The following MIGA1 variants were observed in gnomAD, a reference collection of about 807,000 sequenced individuals.
MIGA1 encodes the protein family with sequence similarity 73, member A.
In MIGA1, 58 loss-of-function variants were observed where a neutral mutation model predicts 82.0. The observed-to-expected ratio is 0.71, with a 90% CI of 0.57 to 0.88. MIGA1 has a LOEUF of 0.88. Among genes scored for constraint, MIGA1 ranks in the 40% least tolerant of loss-of-function variants. The pLI, the probability that MIGA1 is intolerant of heterozygous loss-of-function variation, is 0.00. For missense variants in MIGA1, 751 were observed against 749.1 expected, an observed-to-expected ratio of 1.00 and a Z score of -0.03; for synonymous variants, 249 against 253.6, an observed-to-expected ratio of 0.98 and a Z score of 0.17.
intron 7 of MIGA1, among the ~76,000 whole-genome samples, chr1:77,825,427 C>T (rs938883617): frequency 1.3e-5 from 2 of 152,160 alleles, no homozygotes; most frequent in Admixed American, 6.5e-5. Context: ...CCGTTTAGTG[C>T]TGAATGTGAG....
chr1:77,811,839 C>T (rs192615936), intron 5 of MIGA1: 1,236 of 1,336,990 alleles, frequency 9.2e-4, no homozygotes, highest in Middle Eastern at 1.6e-3. Flanking sequence ...GGTTCTAGGG[C>T]GCCATCCTCC....
intron 14 of MIGA1, among the ~76,000 whole-genome samples, chr1:77,869,440 C>T (rs1011781116): frequency 1.4e-5 from 2 of 145,996 alleles, no homozygotes; most frequent in African/African-American, 5.1e-5. Flanking sequence ...CATGGCCCAT[C>T]CCCAATGAGC....
At chr1:77,785,797 G>A (rs1007303353) in intron 2 of MIGA1, among the ~76,000 whole-genome samples, 1 of 152,168 alleles carries the variant, frequency 6.6e-6, no homozygotes, top group African/African-American at 2.4e-5. Flanking sequence ...TGCTTTTATG[G>A]GCTGGCATTG....
intron 13 of MIGA1, among the ~76,000 whole-genome samples, chr1:77,864,444 G>A (rs1685586617): frequency 1.3e-5 from 2 of 151,918 alleles, no homozygotes; most frequent in South Asian, 4.2e-4. Context: ...GGGAGGCTGA[G>A]GCAAGTGGAT....
Position 77,801,435 on chromosome 1 carries a change from G to A in MIGA1, c.300G>A (p.Lys100=). The A allele has an allele frequency of 6.2e-7, 1 of 1,608,506 alleles. No individual in the cohort carries two copies. The highest frequency in any genetic ancestry group is 8.5e-7 in the Non-Finnish European group (1 of 1,178,864). ...ACTTTAAAAGAAAACGTGGAAAGAA[G>A]AAAGGAAAAATATTACCATGGGAAC... The change falls in exon 3 of 16, where the codon AAG becomes AAA. Residue 100 remains lysine, a synonymous_variant. Transcript: ENST00000370791.
chr1:77,799,158 GTTTTATT>G (rs1447132679), intron 2 of MIGA1, among the ~76,000 whole-genome samples: 1 of 152,080 alleles, frequency 6.6e-6, no homozygotes, highest in Non-Finnish European at 1.5e-5. Context: ...TTAACCTATA[GTTTTATT>G]TTTTGTGATG....
At chr1:77,867,593 G>T (rs1262030026) in intron 14 of MIGA1, among the ~76,000 whole-genome samples, 2 of 152,190 alleles carry the variant, frequency 1.3e-5, no homozygotes, top group East Asian at 3.9e-4. Context: ...CTCCCAAAGT[G>T]TTGGGATTAC....
chr1:77,819,499 G>T (rs1296360715), intron 7 of MIGA1, among the ~76,000 whole-genome samples: 4 of 152,070 alleles, frequency 2.6e-5, no homozygotes, highest in Non-Finnish European at 5.9e-5. Context: ...GGCCAGGCTG[G>T]TCATGAACTC....
intron 4 of MIGA1, among the ~76,000 whole-genome samples, chr1:77,803,883 A>G (rs1570937138): frequency 1.3e-5 from 2 of 152,314 alleles, no homozygotes; most frequent in African/African-American, 2.4e-5. Flanking sequence ...ACAAAGTATT[A>G]TACATTAAAA....
intron 7 of MIGA1, among the ~76,000 whole-genome samples, chr1:77,822,877 C>T (rs934104497): frequency 3.3e-5 from 4 of 121,336 alleles, no homozygotes; most frequent in African/African-American, 1.2e-4. Flanking sequence ...GAGTCTTGAT[C>T]TGTCGCCCAG....
intron 8 of MIGA1, among the ~76,000 whole-genome samples, chr1:77,849,099 A>G (rs940036656): frequency 5.3e-5 from 8 of 152,216 alleles, no homozygotes; most frequent in African/African-American, 1.9e-4. Flanking sequence ...CTCCACTACA[A>G]CCATTAAAAA....
In MIGA1 at chr1:77,796,222, C is replaced by T. The variant is rs568108860; in HGVS notation, c.196-5109C>T. On this transcript the variant is annotated intron_variant, in intron 2 of 15. Transcript: ENST00000370791. ...CAAGCTCTGCCTCCTGGGTTCACGCCATTCTCCTGCCTCAGCCTCCCAAGT... is the reference window on the plus strand; with the variant it reads ...CAAGCTCTGCCTCCTGGGTTCACGCTATTCTCCTGCCTCAGCCTCCCAAGT... Among the ~76,000 whole-genome samples the T allele has an allele frequency of 1.0e-3, 156 of 150,824 alleles. 2 individuals are homozygous for T. The highest frequency in any genetic ancestry group is 3.5e-3 in the Middle Eastern group (1 of 286).
At chr1:77,862,759 G>T (rs919622202) in intron 12 of MIGA1, among the ~76,000 whole-genome samples, 4 of 151,908 alleles carry the variant, frequency 2.6e-5, no homozygotes, top group Admixed American at 2.6e-4. Flanking sequence ...AGGCCAACAT[G>T]GTGAAGCCCT....
intron 2 of MIGA1, among the ~76,000 whole-genome samples, chr1:77,788,435 A>G (rs1359495178): frequency 6.6e-6 from 1 of 152,108 alleles, no homozygotes; most frequent in African/African-American, 2.4e-5. Context: ...ACGGTGCCCA[A>G]CCCTGTGAAT....
At chr1:77,799,540 T>C (rs1247136801) in intron 2 of MIGA1, among the ~76,000 whole-genome samples, 4 of 152,188 alleles carry the variant, frequency 2.6e-5, no homozygotes, top group African/African-American at 9.6e-5. Context: ...CGTATCCTCA[T>C]TGTGAAATTG....
At chr1:77,781,051 C>T (rs1213219397) in intron 1 of MIGA1, among the ~76,000 whole-genome samples, 4 of 151,646 alleles carry the variant, frequency 2.6e-5, no homozygotes, top group Non-Finnish European at 4.4e-5. Context: ...GGATTACAGG[C>T]GCCCGACATC....
At chr1:77,858,900 C>G (rs1440442491) in intron 8 of MIGA1, 38 bp from the exon 9 acceptor site, 1 of 1,217,530 alleles carries the variant, frequency 8.2e-7, no homozygotes, top group Non-Finnish European at 1.2e-6. Flanking sequence ...AGCCACTGCA[C>G]CTAGCCTGTA....
chr1:77,797,946 A>AT (rs1490432039), intron 2 of MIGA1, among the ~76,000 whole-genome samples: 1 of 151,866 alleles, frequency 6.6e-6, no homozygotes, highest in Non-Finnish European at 1.5e-5. Flanking sequence ...CTGTTTCTTA[A>AT]TTTTTTGTAC....
chr1:77,855,116 T>C (rs986692207), intron 8 of MIGA1, among the ~76,000 whole-genome samples: 3 of 152,228 alleles, frequency 2.0e-5, no homozygotes, highest in African/African-American at 7.2e-5. Context: ...TACATGTAGC[T>C]AGCCAATTAT....
Sources: allele counts gnomAD v4.1 joint callset (sites outside exome capture counted in the v4.1 genomes callset), GRCh38; gene constraint gnomAD v4.1.1; transcripts MANE v1.5; gene names NCBI Gene and HGNC (gene_info 2026-07-23, HGNC 2026-07-21).